Variants in GRIK4 observed in about 807,000 individuals in gnomAD.
GRIK4 encodes glutamate ionotropic receptor kainate type subunit 4.
A neutral mutation model predicts 104.9 loss-of-function variants in GRIK4; 40 were observed. That is an observed-to-expected ratio of 0.38 (90% CI 0.30 to 0.50). GRIK4 has a LOEUF of 0.50. Among genes scored for constraint, GRIK4 ranks in the 20% least tolerant of loss-of-function variants. The pLI is 0.93. For missense variants in GRIK4, 1,047 were observed against 1,308.1 expected, an observed-to-expected ratio of 0.80 and a Z score of 3.08; for synonymous variants, 485 against 524.9, an observed-to-expected ratio of 0.92 and a Z score of 1.04.
intron 13 of GRIK4, among the ~76,000 whole-genome samples, chr11:120,910,169 C>T (rs1942960045): frequency 6.6e-6 from 1 of 152,124 alleles, no homozygotes; most frequent in African/African-American, 2.4e-5. Context: ...GAACTGTGAG[C>T]CAAATAAATT....
At chr11:120,673,822 A>T (rs1304220636) in intron 3 of GRIK4, among the ~76,000 whole-genome samples, 1 of 152,154 alleles carries the variant, frequency 6.6e-6, no homozygotes, top group Admixed American at 6.5e-5. Context: ...TGGTAGTTTC[A>T]GGAAACTGGG....
At chr11:120,841,555 T>C (rs1181665049) in intron 8 of GRIK4, among the ~76,000 whole-genome samples, 1 of 152,202 alleles carries the variant, frequency 6.6e-6, no homozygotes, top group Admixed American at 6.5e-5. Flanking sequence ...TTGGCTATTG[T>C]GAATAATGCT....
intron 12 of GRIK4, among the ~76,000 whole-genome samples, chr11:120,898,888 C>T (rs1396349703): frequency 6.6e-6 from 1 of 152,178 alleles, no homozygotes; most frequent in Non-Finnish European, 1.5e-5. Context: ...TGGAGGCACC[C>T]TGTCAGCTGG....
intron 13 of GRIK4, among the ~76,000 whole-genome samples, chr11:120,920,804 T>A (rs988139856): frequency 3.3e-5 from 5 of 151,608 alleles, no homozygotes; most frequent in Admixed American, 3.3e-4. Flanking sequence ...TTTGCTCACA[T>A]CTTCAATGAG....
At chr11:120,757,838 C>G (rs1951679472) in intron 3 of GRIK4, among the ~76,000 whole-genome samples, 1 of 152,170 alleles carries the variant, frequency 6.6e-6, no homozygotes, top group African/African-American at 2.4e-5. Context: ...CCACCCCGCA[C>G]AGGGTGTGTT....
chr11:120,910,292 G>C (rs1942962819), intron 13 of GRIK4, among the ~76,000 whole-genome samples: 1 of 152,218 alleles, frequency 6.6e-6, no homozygotes, highest in Admixed American at 6.5e-5. Context: ...GAGAATTCAA[G>C]CATATTTTCT....
At chr11:120,700,660 T>C (rs931357589) in intron 3 of GRIK4, among the ~76,000 whole-genome samples, 1 of 152,140 alleles carries the variant, frequency 6.6e-6, no homozygotes, top group South Asian at 2.1e-4. Context: ...GGTTTCACCA[T>C]GTTAGCTAGA....
At chr11:120,922,633 C>T (rs547283221) in intron 13 of GRIK4, among the ~76,000 whole-genome samples, 116 of 152,294 alleles carry the variant, frequency 7.6e-4, no homozygotes, top group African/African-American at 2.7e-3. Context: ...GCTCTGGGAG[C>T]TTATTTACAG....
At chr11:120,977,744 G>T (rs990606635) in intron 19 of GRIK4, among the ~76,000 whole-genome samples, 2 of 152,180 alleles carry the variant, frequency 1.3e-5, no homozygotes, top group Admixed American at 1.3e-4. Context: ...GTGACTCATG[G>T]TTTCTACCAG....
chr11:120,528,054 C>T (rs1052057199), intron 1 of GRIK4, among the ~76,000 whole-genome samples: 12 of 152,250 alleles, frequency 7.9e-5, no homozygotes, highest in Non-Finnish European at 1.8e-4. Context: ...GCCTCGATCT[C>T]CCGGGCTCAG....
chr11:120,910,308 T>C (rs765067267), intron 13 of GRIK4, among the ~76,000 whole-genome samples: 2 of 152,252 alleles, frequency 1.3e-5, no homozygotes, highest in Non-Finnish European at 2.9e-5. Context: ...TTTCTGCATA[T>C]GTGTGAAAAT....
intron 1 of GRIK4, among the ~76,000 whole-genome samples, chr11:120,587,390 T>C (rs1012519264): frequency 6.6e-6 from 1 of 152,144 alleles, no homozygotes; most frequent in Non-Finnish European, 1.5e-5. Context: ...GAGCTTTGGA[T>C]CAGATAGCTC....
intron 1 of GRIK4, among the ~76,000 whole-genome samples, chr11:120,615,403 A>C (rs1203199240): frequency 6.6e-6 from 1 of 152,200 alleles, no homozygotes; most frequent in Non-Finnish European, 1.5e-5. Context: ...AAAGCCTGTT[A>C]ATTATGCCCC....
At position 120,802,826 on chromosome 11, in the gene GRIK4, C is replaced by T; in HGVS notation, c.216C>T (p.Leu72=). The change falls in exon 4 of 21, where the codon CTC becomes CTT. Residue 72 remains leucine (L), a synonymous_variant. Transcript: ENST00000527524. The part of the protein sequence containing the change: ...AKVEVDIFEL[L]RDSEYETAET... Reference sequence around the variant, plus strand: ...TCGAAGTGGACATCTTTGAGCTTCTCAGAGACAGCGAGTACGAGACTGCAG... The same window carrying T: ...TCGAAGTGGACATCTTTGAGCTTCTTAGAGACAGCGAGTACGAGACTGCAG... The T allele has an allele frequency of 6.2e-7, 1 of 1,614,188 alleles. No individual in the cohort carries two copies. The highest frequency in any genetic ancestry group is 8.5e-7 in the Non-Finnish European group (1 of 1,180,028).
intron 3 of GRIK4, among the ~76,000 whole-genome samples, chr11:120,695,195 G>C (rs1281517638): frequency 6.6e-6 from 1 of 152,178 alleles, no homozygotes; most frequent in Non-Finnish European, 1.5e-5. Flanking sequence ...TCACGAGCTG[G>C]GCTGTTTCTT....
chr11:120,967,609 C>T lies in GRIK4; in HGVS notation c.2395+286C>T, dbSNP rs1944406568. Among the ~76,000 whole-genome samples the T allele has an allele frequency of 6.6e-6, 1 of 152,180 alleles. No homozygotes were observed. Among genetic ancestry groups the T allele is most frequent in the Non-Finnish European group, 1.5e-5 (1 of 68,036 alleles). ...CCTAGCACCATGGCTTCTACCCTGG[C>T]CCATCATCTCCACACCTGTGCAGTC... On this transcript the variant is annotated intron_variant, in intron 19 of 20. Coordinates refer to ENST00000527524, the MANE Select transcript of GRIK4 (RefSeq NM_014619.5). The surrounding 1 kb of genome is among the most constrained non-coding windows in gnomAD (Gnocchi z 4.2).
chr11:120,964,282 A>G (rs7948885), intron 18 of GRIK4, among the ~76,000 whole-genome samples: 121,797 of 152,092 alleles, frequency 0.8, 48,982 homozygotes, highest in African/African-American at 0.83. Context: ...GTGAGCCACC[A>G]CTACTTGACA....
intron 1 of GRIK4, among the ~76,000 whole-genome samples, chr11:120,516,654 A>G (rs1401232181): frequency 6.6e-6 from 1 of 152,096 alleles, no homozygotes; most frequent in Admixed American, 6.6e-5. Context: ...CGCTGGTGAC[A>G]GTGAGGCGAA....
intron 3 of GRIK4, among the ~76,000 whole-genome samples, chr11:120,715,799 C>T (rs917275102): frequency 6.6e-6 from 1 of 152,190 alleles, no homozygotes; most frequent in Non-Finnish European, 1.5e-5. Flanking sequence ...AATGTTCCCA[C>T]TTTTGAGATA....
Sources: gnomAD v4.1 joint callset for allele counts (sites outside exome capture counted in the v4.1 genomes callset) on GRCh38, gnomAD v4.1.1 for gene constraint, Gnocchi (gnomAD v3.1) non-coding constraint, MANE v1.5 for transcripts, NCBI Gene and HGNC (gene_info 2026-07-23, HGNC 2026-07-21) for gene names.